Variants in MMP26 observed in about 807,000 individuals in gnomAD.
MMP26 encodes matrix metallopeptidase 26, also known as matrix metalloproteinase-26.
MMP26 carries 33 observed loss-of-function variants against 31.0 expected under a neutral mutation model. The ratio of observed to expected loss-of-function variants is 1.06; its 90% CI spans 0.81 to 1.42. MMP26 has a LOEUF of 1.42. MMP26 is among the 40% of genes most tolerant of loss of function. MMP26 has a pLI of 0.00. For synonymous variants in MMP26, 122 were observed against 114.9 expected, an observed-to-expected ratio of 1.06 and a Z score of -0.40; for missense variants, 347 against 316.1, an observed-to-expected ratio of 1.10 and a Z score of -0.74.
chr11:4,992,103 C>T lies in MMP26; in HGVS notation c.735C>T (p.Ile245=). 1 of 1,613,382 alleles carries T rather than the reference C, an allele frequency of 6.2e-7. No individual in the cohort carries two copies. Among genetic ancestry groups the T allele is most frequent in the Non-Finnish European group, 8.5e-7 (1 of 1,179,784 alleles). ...CCTTCCAGCTCAGTGCCGATGATATCCAAAGGATCCAGCATTTGTATGGTC... is the reference window on the plus strand; with the variant it reads ...CCTTCCAGCTCAGTGCCGATGATATTCAAAGGATCCAGCATTTGTATGGTC... ...PRTFQLSADD[I]QRIQHLYGEK... is the part of the protein sequence containing the mutation. Residue 245 remains isoleucine, a synonymous_variant, in exon 7 of 8, where the codon ATC becomes ATT. Transcript: ENST00000380390.
At chr11:4,739,028 G>T (rs149711262) in intron 1 of MMP26, among the ~76,000 whole-genome samples, 13 of 152,168 alleles carry the variant, frequency 8.5e-5, no homozygotes, top group African/African-American at 3.1e-4. Context: ...TGTCACTATA[G>T]CTGAGTTGAT....
At position 4,705,030 on chromosome 11, in the gene MMP26, G is replaced by A. The variant is rs1847756781; in HGVS notation, c.-232G>A. The A allele has an allele frequency of 6.6e-6, 1 of 152,170 alleles. No individual in the cohort carries two copies. The highest frequency in any genetic ancestry group is 6.5e-5 in the Admixed American group (1 of 15,276). The allele number at this position is 152,170 out of a possible 1,614,324, so 9.4% of individuals were successfully genotyped here. Reference sequence around the variant, plus strand: ...AAATAACCTCACCTTCCAGACCCAAGAATTCTGTGCACAAGGTCAGTGTTG... The same window carrying A: ...AAATAACCTCACCTTCCAGACCCAAAAATTCTGTGCACAAGGTCAGTGTTG... On this transcript the variant is annotated 5_prime_UTR_variant, in exon 1 of 8. Coordinates refer to ENST00000380390, the MANE Select transcript of MMP26 (RefSeq NM_021801.5).
At chr11:4,848,756 T>A (rs765805950) in intron 2 of MMP26, 1 of 1,613,934 alleles carries the variant, frequency 6.2e-7, no homozygotes, top group Non-Finnish European at 8.5e-7. Context: ...CCAGGCTGAT[T>A]TTGCTAATTA....
rs141369504 is a variant in MMP26, at chr11:4,875,427, T to G, written c.-145+108086T>G. On this transcript the variant is annotated intron_variant, in intron 2 of 7. Coordinates refer to ENST00000380390, the MANE Select transcript of MMP26 (RefSeq NM_021801.5). The stretch of plus-strand genomic sequence containing the variant: ...TTTTAACAGTTCTTTAGATCAGAAG[T>G]CCAAATTGGGTCTCACTGGGCTAAA... The G allele has an allele frequency of 3.9e-4, 60 of 152,242 alleles. 1 individual carries two copies. The highest frequency in any genetic ancestry group is 3.4e-3 in the Middle Eastern group (1 of 294). The allele number at this position is 152,242 out of a possible 1,614,324, so 9.4% of individuals were successfully genotyped here.
At chr11:4,801,122 C>T (rs1849175125) in intron 2 of MMP26, among the ~76,000 whole-genome samples, 4 of 152,128 alleles carry the variant, frequency 2.6e-5, no homozygotes, top group Admixed American at 2.6e-4. Context: ...ATTATTTAAC[C>T]AGTCTCTAAG....
At chr11:4,781,796 G>A (rs1564908282) in intron 2 of MMP26, among the ~76,000 whole-genome samples, 1 of 151,980 alleles carries the variant, frequency 6.6e-6, no homozygotes, top group Non-Finnish European at 1.5e-5. Context: ...TGAATTATGG[G>A]GGCAGGTCTT....
intron 2 of MMP26, among the ~76,000 whole-genome samples, chr11:4,926,324 A>T (rs1368854362): frequency 1.3e-5 from 2 of 152,192 alleles, no homozygotes; most frequent in Non-Finnish European, 2.9e-5. Flanking sequence ...GAAAAAGTAG[A>T]TATCAAAGGA....
intron 2 of MMP26, among the ~76,000 whole-genome samples, chr11:4,861,379 CTA>C (rs923305057): frequency 6.6e-6 from 1 of 150,532 alleles, no homozygotes; most frequent in African/African-American, 2.4e-5. Context: ...GATAGGTACT[CTA>C]TATATATACA....
At chr11:4,860,338 G>A (rs1055117575) in intron 2 of MMP26, 4 of 471,230 alleles carry the variant, frequency 8.5e-6, no homozygotes, top group South Asian at 4.6e-5. Flanking sequence ...GGTGGACATG[G>A]AGAGACTAAC....
chr11:4,865,973 A>T (rs1850228569), intron 2 of MMP26, among the ~76,000 whole-genome samples: 1 of 152,154 alleles, frequency 6.6e-6, no homozygotes, highest in Non-Finnish European at 1.5e-5. Flanking sequence ...CTGGCATGAG[A>T]AAACAAACAG....
chr11:4,794,079 A>C (rs1236863582), intron 2 of MMP26: 1 of 152,206 alleles, frequency 6.6e-6, no homozygotes, highest in African/African-American at 2.4e-5. Context: ...CAAATATATC[A>C]AATCCAACCA....
At chr11:4,856,267 A>G (rs1163985051) in intron 2 of MMP26, among the ~76,000 whole-genome samples, 1 of 152,216 alleles carries the variant, frequency 6.6e-6, no homozygotes, top group Non-Finnish European at 1.5e-5. Context: ...ATTAAAAGAC[A>G]CAGACTGGCA....
At chr11:4,952,014 A>G (rs1425107210) in intron 2 of MMP26, among the ~76,000 whole-genome samples, 2 of 123,944 alleles carry the variant, frequency 1.6e-5, no homozygotes, top group Non-Finnish European at 3.7e-5. Context: ...TACAACTTTT[A>G]ATTCAAGTCT....
intron 2 of MMP26, among the ~76,000 whole-genome samples, chr11:4,948,021 G>A (rs959101014): frequency 1.6e-5 from 2 of 124,518 alleles, no homozygotes; most frequent in Non-Finnish European, 3.6e-5. Context: ...AGGACATAAT[G>A]TGTTATCCTA....
intron 1 of MMP26, chr11:4,737,223 A>G (rs1430214614): frequency 6.6e-6 from 1 of 152,232 alleles, no homozygotes; most frequent in Non-Finnish European, 1.5e-5. Context: ...ATTGGAGATT[A>G]TTTTTAGGAT....
chr11:4,741,039 T>C (rs991919083), intron 1 of MMP26, among the ~76,000 whole-genome samples: 1 of 152,218 alleles, frequency 6.6e-6, no homozygotes, highest in African/African-American at 2.4e-5. Flanking sequence ...AGGGATTTTA[T>C]GGCTTTGGGT....
intron 2 of MMP26, chr11:4,915,692 T>C: frequency 6.5e-7 from 1 of 1,547,248 alleles, no homozygotes; most frequent in Non-Finnish European, 8.8e-7. Flanking sequence ...GGAAGGTGGG[T>C]GCCCTCCAAA....
chr11:4,892,457 G>A (rs1215913157), intron 2 of MMP26, among the ~76,000 whole-genome samples: 3 of 152,090 alleles, frequency 2.0e-5, no homozygotes, highest in Admixed American at 6.5e-5. Context: ...CAATTGTCCT[G>A]TGATTTGCTA....
At chr11:4,785,021 A>G (rs1848916751) in intron 2 of MMP26, among the ~76,000 whole-genome samples, 1 of 152,168 alleles carries the variant, frequency 6.6e-6, no homozygotes, top group Non-Finnish European at 1.5e-5. Flanking sequence ...GAGGCAATAT[A>G]GACTTCATTT....
Sources: allele counts gnomAD v4.1 joint callset (sites outside exome capture counted in the v4.1 genomes callset), GRCh38; gene constraint gnomAD v4.1.1; transcripts MANE v1.5; gene names NCBI Gene and HGNC (gene_info 2026-07-23, HGNC 2026-07-21).